MAST2: variants seen among roughly 807,000 people sequenced by gnomAD.
MAST2 encodes microtubule associated serine/threonine kinase 2.
Under a neutral mutation model 147.4 loss-of-function variants are expected in MAST2, and 70 were observed. That is an observed-to-expected ratio of 0.47 (90% CI 0.39 to 0.58). The LOEUF (loss-of-function observed/expected upper bound fraction) is 0.58. Ranked by LOEUF, MAST2 falls within the 20% of genes least tolerant of loss-of-function variation. The pLI, the probability that MAST2 is intolerant of heterozygous loss-of-function variation, is 0.00. For synonymous variants in MAST2, 869 were observed against 896.8 expected, an observed-to-expected ratio of 0.97 and a Z score of 0.55; for missense variants, 2,080 against 2,302.3, an observed-to-expected ratio of 0.90 and a Z score of 1.98.
chr1:45,820,496 T>C (rs567620808), intron 1 of MAST2, among the ~76,000 whole-genome samples: 214 of 152,354 alleles, frequency 1.4e-3, no homozygotes, highest in Non-Finnish European at 1.9e-3. Context: ...ACAAAAACTT[T>C]ATTCCTGTAT....
chr1:45,861,476 T>A (rs755780417), intron 3 of MAST2, among the ~76,000 whole-genome samples: 2 of 152,222 alleles, frequency 1.3e-5, no homozygotes, highest in Non-Finnish European at 2.9e-5. Context: ...TCCTTTTTAT[T>A]TCATGGAGAA....
At chr1:45,934,950 A>G (rs1338770416) in intron 4 of MAST2, among the ~76,000 whole-genome samples, 1 of 152,188 alleles carries the variant, frequency 6.6e-6, no homozygotes, top group African/African-American at 2.4e-5. Flanking sequence ...AGGTAATTCT[A>G]CTTTTAGTTC....
intron 4 of MAST2, among the ~76,000 whole-genome samples, chr1:45,886,313 TACACACACACACACACAC>T (rs56032969): frequency 3.8e-4 from 56 of 145,590 alleles, no homozygotes; most frequent in African/African-American, 1.3e-3. Flanking sequence ...TATCTATAAG[TACACACACACACACACAC>T]ACACACACAC....
chr1:46,034,016 G>T, intron 27 of MAST2, 57 bp from the exon 28 acceptor site: 2 of 1,605,186 alleles, frequency 1.2e-6, no homozygotes, highest in Non-Finnish European at 1.7e-6. Context: ...GGCCCTGGGG[G>T]TCCAGTGTGT....
At chr1:45,874,783 C>G (rs1453904157) in intron 3 of MAST2, among the ~76,000 whole-genome samples, 3 of 151,950 alleles carry the variant, frequency 2.0e-5, no homozygotes, top group Non-Finnish European at 4.4e-5. Context: ...GATAATTTAG[C>G]AAATAATTAT....
chr1:45,988,557 A>G (rs763417461), intron 5 of MAST2, among the ~76,000 whole-genome samples: 20 of 152,170 alleles, frequency 1.3e-4, no homozygotes, highest in Non-Finnish European at 2.8e-4. Flanking sequence ...AAGAATGTAT[A>G]TTAGTACTGT....
intron 1 of MAST2, among the ~76,000 whole-genome samples, chr1:45,806,841 T>G: frequency 6.6e-6 from 1 of 152,162 alleles, no homozygotes; most frequent in East Asian, 1.9e-4. Flanking sequence ...CCTCCCAAAG[T>G]GCTGGGATTA....
At chr1:45,838,078 T>C (rs781463916) in intron 3 of MAST2, among the ~76,000 whole-genome samples, 2 of 150,786 alleles carry the variant, frequency 1.3e-5, no homozygotes, top group Non-Finnish European at 3.0e-5. Context: ...CGCACCCGGC[T>C]ATCATTTTTT....
chr1:45,920,638 CTGAT>C (rs1485392075), intron 4 of MAST2, among the ~76,000 whole-genome samples: 1 of 152,104 alleles, frequency 6.6e-6, no homozygotes, highest in African/African-American at 2.4e-5. Flanking sequence ...TATTGGTTGA[CTGAT>C]TCACGTTGCA....
In MAST2 at chr1:46,031,084, G is replaced by A. The variant is rs1043627202; in HGVS notation, c.2786G>A (p.Arg929His). The stretch of plus-strand genomic sequence containing the variant: ...AGCCCTCCAATGACAGTGCGACGCC[G>A]CTGCTCAGGCCTCCTGGATGCGCCT... The part of the protein sequence containing the change: ...DSSPPMTVRR[R>H]CSGLLDAPRF... The change falls in exon 23 of 29, where the codon CGC becomes CAC. Residue 929 changes from arginine to histidine, a missense_variant. Physicochemically the swap from Arg to His is conservative, Grantham distance 29. Transcript: ENST00000361297. The surrounding 1 kb of genome is among the most constrained non-coding windows in gnomAD (Gnocchi z 4.1). The A allele has an allele frequency of 3.3e-5, 53 of 1,613,166 alleles. 1 individual carries two copies. The highest frequency in any genetic ancestry group is 8.9e-5 in the East Asian group (4 of 44,868).
chr1:46,034,848 T>C lies in MAST2; in HGVS notation c.4179T>C (p.Ser1393=), dbSNP rs1646834418. The change falls in exon 29 of 29, where the codon AGT becomes AGC. Residue 1393 remains serine, a synonymous_variant. Coordinates refer to ENST00000361297, the MANE Select transcript of MAST2 (RefSeq NM_015112.3). The part of the protein sequence containing the change: ...PLGRQLSRPK[S]AEPPRSPLLK... ...GCAGGCAACTCTCACGGCCCAAGAG[T>C]GCGGAGCCACCCCGTTCACCACTAC... 1.2e-6 allele frequency: 2 copies of C among 1,613,644 alleles called. No individual in the cohort carries two copies. The highest frequency in any genetic ancestry group is 1.7e-6 in the Non-Finnish European group (2 of 1,179,930).
intron 3 of MAST2, among the ~76,000 whole-genome samples, chr1:45,836,442 A>G (rs369296824): frequency 1.3e-5 from 2 of 152,176 alleles, no homozygotes; most frequent in South Asian, 2.1e-4. Context: ...CTCATCATTA[A>G]AAAGATTCTT....
At chr1:45,899,243 A>G (rs1472872706) in intron 4 of MAST2, among the ~76,000 whole-genome samples, 1 of 150,616 alleles carries the variant, frequency 6.6e-6, no homozygotes, top group East Asian at 2.0e-4. Context: ...TTTTATTTGG[A>G]GGAGATTTGC....
At chr1:45,848,758 AC>A (rs1482227298) in intron 3 of MAST2, among the ~76,000 whole-genome samples, 1 of 152,170 alleles carries the variant, frequency 6.6e-6, no homozygotes, top group African/African-American at 2.4e-5. Context: ...AAAGAAATAA[AC>A]GGCATTCAAG....
intron 5 of MAST2, among the ~76,000 whole-genome samples, chr1:45,961,374 T>C (rs1660394055): frequency 6.6e-6 from 1 of 152,232 alleles, no homozygotes; most frequent in African/African-American, 2.4e-5. Flanking sequence ...ACCTTGTATA[T>C]AGTTGCACAA....
chr1:45,941,854 C>T (rs569159975), intron 4 of MAST2, among the ~76,000 whole-genome samples: 1 of 152,052 alleles, frequency 6.6e-6, no homozygotes, highest in African/African-American at 2.4e-5. Context: ...TAGTTTTTGT[C>T]CTTTATTCTT....
intron 4 of MAST2, among the ~76,000 whole-genome samples, chr1:45,890,928 C>G (rs1647661946): frequency 6.6e-6 from 1 of 152,008 alleles, no homozygotes; most frequent in Non-Finnish European, 1.5e-5. Context: ...AATATAGTTG[C>G]ATAATAACAA....
At chr1:45,976,402 G>T (rs748837520) in intron 5 of MAST2, among the ~76,000 whole-genome samples, 11 of 152,138 alleles carry the variant, frequency 7.2e-5, no homozygotes, top group Non-Finnish European at 1.5e-4. Context: ...GTGGAGACCA[G>T]CCTGGTCGAC....
intron 1 of MAST2, among the ~76,000 whole-genome samples, chr1:45,809,152 C>T (rs747631944): frequency 6.6e-6 from 1 of 152,190 alleles, no homozygotes; most frequent in Non-Finnish European, 1.5e-5. Context: ...ATGAATTCCT[C>T]TGAGGCTGTC....
Sources: gnomAD v4.1 joint callset for allele counts (sites outside exome capture counted in the v4.1 genomes callset) on GRCh38, gnomAD v4.1.1 for gene constraint, Gnocchi (gnomAD v3.1) non-coding constraint, MANE v1.5 for transcripts, NCBI Gene and HGNC (gene_info 2026-07-23, HGNC 2026-07-21) for gene names.